Variants in CNTNAP2 observed in about 807,000 individuals in gnomAD.
The protein encoded by CNTNAP2 is contactin-associated protein-like 2.
A neutral mutation model predicts 155.2 loss-of-function variants in CNTNAP2; 98 were observed. The ratio of observed to expected loss-of-function variants is 0.63; its 90% CI spans 0.54 to 0.75. The LOEUF is 0.75. CNTNAP2 is among the 30% of genes least tolerant of loss of function. CNTNAP2 has a pLI of 0.00. For synonymous variants in CNTNAP2, 651 were observed against 631.2 expected (o/e 1.03, Z -0.47); for missense variants, 1,727 against 1,688.1 (o/e 1.02, Z -0.40).
chr7:147,355,878 C>G (rs1431370891), intron 9 of CNTNAP2, among the ~76,000 whole-genome samples: 33 of 152,116 alleles, frequency 2.2e-4, no homozygotes, highest in Admixed American at 2.2e-3. Flanking sequence ...TGGTACCATT[C>G]CTTCTGAAAC....
intron 21 of CNTNAP2, among the ~76,000 whole-genome samples, chr7:148,289,372 A>G (rs886718249): frequency 6.6e-5 from 10 of 152,240 alleles, no homozygotes; most frequent in Non-Finnish European, 1.3e-4. Flanking sequence ...TGGCAAGACT[A>G]CATGTCACTC....
chr7:146,859,172 T>C (rs1795049082), intron 3 of CNTNAP2, among the ~76,000 whole-genome samples: 1 of 152,192 alleles, frequency 6.6e-6, no homozygotes, highest in Non-Finnish European at 1.5e-5. Context: ...TGTGTTTCAA[T>C]TTCCTCAACA....
intron 9 of CNTNAP2, among the ~76,000 whole-genome samples, chr7:147,338,891 G>T (rs1795708884): frequency 6.6e-6 from 1 of 151,870 alleles, no homozygotes; most frequent in South Asian, 2.1e-4. Flanking sequence ...GGGGTAGGGG[G>T]AGCTCATATT....
intron 1 of CNTNAP2, among the ~76,000 whole-genome samples, chr7:146,230,441 C>T (rs1322395617): frequency 1.3e-5 from 2 of 152,148 alleles, no homozygotes; most frequent in Admixed American, 6.6e-5. Flanking sequence ...TTCATTCCTC[C>T]ATATTAATCA....
chr7:146,778,950 G>T (rs912709321), intron 2 of CNTNAP2, among the ~76,000 whole-genome samples: 12 of 152,192 alleles, frequency 7.9e-5, no homozygotes, highest in African/African-American at 2.4e-4. Context: ...CCTCTGCTTT[G>T]TTACCTGACA....
intron 8 of CNTNAP2, among the ~76,000 whole-genome samples, chr7:147,258,997 G>GAAGTATGGGATGGT (rs759676923): frequency 1.2e-3 from 178 of 152,320 alleles, no homozygotes; most frequent in Middle Eastern, 3.4e-3. Flanking sequence ...AAAGCAGATG[G>GAAGTATGGGATGGT]AAGTATGGGA....
chr7:147,848,701 C>T (rs1467707264), intron 13 of CNTNAP2, among the ~76,000 whole-genome samples: 1 of 125,808 alleles, frequency 7.9e-6, no homozygotes, highest in Non-Finnish European at 1.7e-5. Flanking sequence ...GGGCTTCAAA[C>T]TTTAGTTAAT....
intron 5 of CNTNAP2, among the ~76,000 whole-genome samples, chr7:147,115,706 C>T (rs1800972329): frequency 6.6e-6 from 1 of 152,054 alleles, no homozygotes; most frequent in Non-Finnish European, 1.5e-5. Flanking sequence ...GCTATCAGAT[C>T]CCATATTGTA....
intron 15 of CNTNAP2, among the ~76,000 whole-genome samples, chr7:148,079,280 C>A: frequency 6.6e-6 from 1 of 152,172 alleles, no homozygotes; most frequent in East Asian, 1.9e-4. Flanking sequence ...TTGGTTTTGT[C>A]TGGAAAAGCA....
intron 8 of CNTNAP2, among the ~76,000 whole-genome samples, chr7:147,175,157 T>A (rs1269283539): frequency 6.6e-6 from 1 of 152,138 alleles, no homozygotes; most frequent in African/African-American, 2.4e-5. Flanking sequence ...AGTTAAATAT[T>A]ATATCTAGGA....
intron 15 of CNTNAP2, among the ~76,000 whole-genome samples, chr7:148,029,989 A>T (rs1585086743): frequency 6.6e-6 from 1 of 152,200 alleles, no homozygotes; most frequent in South Asian, 2.1e-4. Flanking sequence ...TCTTAATATC[A>T]TACTCTCTGG....
At chr7:146,205,336 C>G (rs1384037372) in intron 1 of CNTNAP2, among the ~76,000 whole-genome samples, 1 of 151,882 alleles carries the variant, frequency 6.6e-6, no homozygotes, top group Non-Finnish European at 1.5e-5. Flanking sequence ...CTGAGCAGAA[C>G]CACTTCAGAT....
At chr7:148,044,135 C>T (rs530578580) in intron 15 of CNTNAP2, among the ~76,000 whole-genome samples, 14 of 151,130 alleles carry the variant, frequency 9.3e-5, no homozygotes, top group African/African-American at 3.4e-4. Flanking sequence ...AAGCTTTAGA[C>T]CCGTGTGGAT....
chr7:147,593,795 G>A (rs1419670845), intron 12 of CNTNAP2, among the ~76,000 whole-genome samples: 1 of 152,158 alleles, frequency 6.6e-6, no homozygotes, highest in Non-Finnish European at 1.5e-5. Context: ...TTTAGTGTGT[G>A]TCCAGCTTCA....
At chr7:146,853,108 G>A (rs112523372) in intron 3 of CNTNAP2, among the ~76,000 whole-genome samples, 7,296 of 152,186 alleles carry the variant, frequency 0.048, 213 homozygotes, top group African/African-American at 0.074. Flanking sequence ...CAAAAGAAAC[G>A]TCCAGTCCCT....
intron 2 of CNTNAP2, among the ~76,000 whole-genome samples, chr7:146,802,288 G>T (rs1802892433): frequency 6.6e-6 from 1 of 152,138 alleles, no homozygotes; most frequent in Non-Finnish European, 1.5e-5. Flanking sequence ...TGCAGCTGTA[G>T]AAATGAGGTC....
intron 11 of CNTNAP2, among the ~76,000 whole-genome samples, chr7:147,517,569 C>T (rs1799149900): frequency 6.6e-6 from 1 of 152,096 alleles, no homozygotes; most frequent in African/African-American, 2.4e-5. Flanking sequence ...ACTGGAGTAG[C>T]AAAATAAGTG....
chr7:146,816,657 T>C (rs1803176860), intron 2 of CNTNAP2, among the ~76,000 whole-genome samples: 1 of 152,204 alleles, frequency 6.6e-6, no homozygotes, highest in Non-Finnish European at 1.5e-5. Context: ...GTTTGGTTGG[T>C]TTGCTTTTAA....
intron 1 of CNTNAP2, among the ~76,000 whole-genome samples, chr7:146,146,594 G>T (rs1325641534): frequency 6.6e-6 from 1 of 151,858 alleles, no homozygotes; most frequent in Non-Finnish European, 1.5e-5. Flanking sequence ...TTGTCTTTGA[G>T]AAACCACCAA....
Sources: gnomAD v4.1 joint callset for allele counts (sites outside exome capture counted in the v4.1 genomes callset) on GRCh38, gnomAD v4.1.1 for gene constraint, MANE v1.5 for transcripts, NCBI Gene and HGNC (gene_info 2026-07-23, HGNC 2026-07-21) for gene names.